Variants in ATP13A4 observed in about 807,000 individuals in gnomAD.
The protein encoded by ATP13A4 is probable cation-transporting ATPase 13A4.
ATP13A4 carries 114 observed loss-of-function variants against 142.5 expected under a neutral mutation model. The observed-to-expected ratio is 0.80, with a 90% CI of 0.69 to 0.93. The LOEUF is 0.93. Ranked by LOEUF, ATP13A4 falls within the 40% of genes least tolerant of loss-of-function variation. The pLI is 0.00. For synonymous variants in ATP13A4, 488 were observed against 514.8 expected, an observed-to-expected ratio of 0.95 and a Z score of 0.70; for missense variants, 1,392 against 1,454.0, an observed-to-expected ratio of 0.96 and a Z score of 0.69.
chr3:193,562,241 T>C (rs555620852), intron 2 of ATP13A4, among the ~76,000 whole-genome samples: 32 of 152,224 alleles, frequency 2.1e-4, no homozygotes, highest in Admixed American at 1.8e-3. Flanking sequence ...AAACTACATT[T>C]TGATGAGTGT....
At chr3:193,430,785 T>C (rs1186186527) in intron 25 of ATP13A4, among the ~76,000 whole-genome samples, 1 of 152,022 alleles carries the variant, frequency 6.6e-6, no homozygotes, top group Non-Finnish European at 1.5e-5. Context: ...AGGAGCCCAA[T>C]CATATAAGAC....
chr3:193,538,298 A>G (rs1014632523), intron 1 of ATP13A4, among the ~76,000 whole-genome samples: 5 of 152,184 alleles, frequency 3.3e-5, no homozygotes, highest in Non-Finnish European at 5.9e-5. Flanking sequence ...ATTTCCAGCA[A>G]GTGAAACTTC....
chr3:193,565,834 C>A (rs547229086), intron 2 of ATP13A4, among the ~76,000 whole-genome samples: 26 of 152,326 alleles, frequency 1.7e-4, no homozygotes, highest in Non-Finnish European at 2.8e-4. Flanking sequence ...CTGTTTCTTG[C>A]TATCTCACTA....
intron 9 of ATP13A4, among the ~76,000 whole-genome samples, chr3:193,468,338 T>C (rs1055813705): frequency 6.6e-6 from 1 of 151,992 alleles, no homozygotes; most frequent in African/African-American, 2.4e-5. Context: ...TCTGGTGAGG[T>C]TGGAGGCTGG....
At chr3:193,539,276 G>A (rs1436358692) in intron 1 of ATP13A4, among the ~76,000 whole-genome samples, 3 of 152,166 alleles carry the variant, frequency 2.0e-5, no homozygotes, top group African/African-American at 7.2e-5. Flanking sequence ...ACAACATGAA[G>A]GAAAGCAACC....
At chr3:193,429,420 G>A (rs957018025) in intron 25 of ATP13A4, among the ~76,000 whole-genome samples, 3 of 152,036 alleles carry the variant, frequency 2.0e-5, no homozygotes, top group Admixed American at 1.3e-4. Context: ...TAAATGGATA[G>A]ATAAAATGTG....
chr3:193,536,037 A>G (rs1280594629), intron 1 of ATP13A4, among the ~76,000 whole-genome samples: 1 of 151,844 alleles, frequency 6.6e-6, no homozygotes. Flanking sequence ...AGTTCCACTG[A>G]AAAAAAAGTC....
chr3:193,414,551 G>C, intron 26 of ATP13A4, 28 bp downstream of exon 26: 1 of 1,610,148 alleles, frequency 6.2e-7, no homozygotes, highest in Non-Finnish European at 8.5e-7. Flanking sequence ...TAGAATGTGA[G>C]AAGCAGAAGC....
chr3:193,405,164 C>T (rs190671779), intron 29 of ATP13A4, among the ~76,000 whole-genome samples: 125 of 152,326 alleles, frequency 8.2e-4, no homozygotes, highest in African/African-American at 2.9e-3. Flanking sequence ...TAGATTACCC[C>T]GAGCTTGTGC....
chr3:193,489,206 G>A (rs1044894293), intron 7 of ATP13A4, among the ~76,000 whole-genome samples: 1 of 152,148 alleles, frequency 6.6e-6, no homozygotes, highest in Non-Finnish European at 1.5e-5. Flanking sequence ...GTCCGGATGA[G>A]GTTGGCATTC....
upstream of ATP13A4, among the ~76,000 whole-genome samples, chr3:193,556,028 T>G: frequency 6.6e-6 from 1 of 152,210 alleles, no homozygotes; most frequent in East Asian, 1.9e-4. Context: ...CAGTAGGTGT[T>G]AGGACATAGT....
At chr3:193,536,873 G>A (rs937397188) in intron 1 of ATP13A4, among the ~76,000 whole-genome samples, 2 of 151,906 alleles carry the variant, frequency 1.3e-5, no homozygotes, top group African/African-American at 4.8e-5. Context: ...TCACTCCAAA[G>A]AAATGAAATA....
At position 193,444,578 on chromosome 3, in the gene ATP13A4, C is replaced by T. The variant is rs1463215093; in HGVS notation, c.2153-2022G>A. 2.6e-5 allele frequency among the ~76,000 whole-genome samples: 4 copies of T among 152,344 alleles called. No individual in the cohort carries two copies. The South Asian group carries it at 8.3e-4, about 32-fold the overall frequency. On this transcript the variant is annotated intron_variant, in intron 18 of 29. Transcript: ENST00000342695. Reference sequence around the variant, plus strand: ...AATTTTCTTTACTCATGTTCTTTAACTCTTCCCTGTTGAAAGTAAAGACTA... The same window carrying T: ...AATTTTCTTTACTCATGTTCTTTAATTCTTCCCTGTTGAAAGTAAAGACTA...
At chr3:193,529,934 C>T (rs886251218) in intron 1 of ATP13A4, among the ~76,000 whole-genome samples, 15 of 152,124 alleles carry the variant, frequency 9.9e-5, no homozygotes, top group South Asian at 4.1e-4. Flanking sequence ...TAGGTAAATG[C>T]ATAAGTCTGT....
At chr3:193,472,248 T>C (rs1718670466) in intron 8 of ATP13A4, among the ~76,000 whole-genome samples, 1 of 152,230 alleles carries the variant, frequency 6.6e-6, no homozygotes, top group African/African-American at 2.4e-5. Flanking sequence ...TTTCCAACTG[T>C]GCACCATTCT....
At chr3:193,406,980 G>A (rs1453075947) in intron 29 of ATP13A4, among the ~76,000 whole-genome samples, 1 of 152,154 alleles carries the variant, frequency 6.6e-6, no homozygotes, top group African/African-American at 2.4e-5. Context: ...CTGAATTGTG[G>A]ACTTTAAAAG....
intron 1 of ATP13A4, among the ~76,000 whole-genome samples, chr3:193,530,809 A>T (rs975881241): frequency 7.2e-5 from 11 of 152,188 alleles, no homozygotes; most frequent in Non-Finnish European, 1.5e-4. Context: ...GGTTAGGCAC[A>T]TACTTAAAAT....
At chr3:193,409,219 TA>T (rs946214396) in intron 28 of ATP13A4, among the ~76,000 whole-genome samples, 1 of 152,028 alleles carries the variant, frequency 6.6e-6, no homozygotes, top group Admixed American at 6.6e-5. Flanking sequence ...TCCATCCTTT[TA>T]AAAAAAACTA....
intron 1 of ATP13A4, among the ~76,000 whole-genome samples, chr3:193,586,649 T>A (rs1428237022): frequency 6.6e-6 from 1 of 152,234 alleles, no homozygotes; most frequent in African/African-American, 2.4e-5. Context: ...TTTTGGTGAT[T>A]TTGTCAAAAG....
Sources: gnomAD v4.1 joint callset for allele counts (sites outside exome capture counted in the v4.1 genomes callset) on GRCh38, gnomAD v4.1.1 for gene constraint, MANE v1.5 for transcripts, NCBI Gene and HGNC (gene_info 2026-07-23, HGNC 2026-07-21) for gene names.